Variants in ATAD2B observed in about 807,000 individuals in gnomAD.
ATAD2B encodes ATPase family AAA domain-containing protein 2B.
A neutral mutation model predicts 167.6 loss-of-function variants in ATAD2B; 40 were observed. The ratio of observed to expected loss-of-function variants is 0.24; its 90% CI spans 0.19 to 0.31. The LOEUF is 0.31. Ranked by LOEUF, ATAD2B falls within the 10% of genes least tolerant of loss-of-function variation. The pLI is 1.00. For synonymous variants in ATAD2B, 579 were observed against 596.5 expected (o/e 0.97, Z 0.43); for missense variants, 1,242 against 1,757.2 (o/e 0.71, Z 5.24).
chr2:23,917,177 A>G (rs1471815442), intron 1 of ATAD2B, among the ~76,000 whole-genome samples: 2 of 152,252 alleles, frequency 1.3e-5, no homozygotes, highest in Non-Finnish European at 2.9e-5. Context: ...TACTGAATGA[A>G]TGAATGAATG....
At chr2:23,770,921 G>C (rs1473345547) in intron 22 of ATAD2B, among the ~76,000 whole-genome samples, 1 of 152,152 alleles carries the variant, frequency 6.6e-6, no homozygotes, top group Non-Finnish European at 1.5e-5. Flanking sequence ...GTTCAATCTG[G>C]AGAGAAATTA....
At chr2:23,883,354 A>C (rs1011524560) in intron 6 of ATAD2B, among the ~76,000 whole-genome samples, 1 of 151,954 alleles carries the variant, frequency 6.6e-6, no homozygotes, top group African/African-American at 2.4e-5. Flanking sequence ...TATTTGAAAA[A>C]TTTTTATCGT....
At chr2:23,806,644 T>A (rs1684436279) in intron 18 of ATAD2B, among the ~76,000 whole-genome samples, 3 of 152,180 alleles carry the variant, frequency 2.0e-5, no homozygotes, top group Admixed American at 2.0e-4. Flanking sequence ...AATTTATACA[T>A]TAATTTAGGA....
intron 17 of ATAD2B, among the ~76,000 whole-genome samples, chr2:23,818,696 G>A (rs747730976): frequency 3.6e-4 from 55 of 152,214 alleles, no homozygotes; most frequent in Non-Finnish European, 5.0e-4. Context: ...CACACAATCC[G>A]GCCTCTTCTA....
intron 18 of ATAD2B, among the ~76,000 whole-genome samples, chr2:23,803,338 A>ACACG (rs756577548): frequency 2.7e-4 from 41 of 150,686 alleles, no homozygotes; most frequent in Middle Eastern, 3.4e-3. Flanking sequence ...ACACACACAC[A>ACACG]CGCGCACGCA....
At chr2:23,873,932 A>G (rs779959342) in intron 8 of ATAD2B, among the ~76,000 whole-genome samples, 1 of 152,234 alleles carries the variant, frequency 6.6e-6, no homozygotes, top group Non-Finnish European at 1.5e-5. Flanking sequence ...CATGCCTGGA[A>G]TCCCAGCACT....
At chr2:23,892,840 A>G (rs1303807554) in intron 2 of ATAD2B, among the ~76,000 whole-genome samples, 3 of 152,196 alleles carry the variant, frequency 2.0e-5, no homozygotes, top group Non-Finnish European at 2.9e-5. Flanking sequence ...TTCTAGATAT[A>G]TATCAGGTTA....
intron 18 of ATAD2B, among the ~76,000 whole-genome samples, chr2:23,808,091 A>AATTATATATATAAGTAATTATATAT (rs1684873979): frequency 7.4e-6 from 1 of 134,934 alleles, no homozygotes; most frequent in African/African-American, 2.8e-5. Flanking sequence ...TTATATATAT[A>AATTATATATATAAGTAATTATATAT]ATTATATATA....
chr2:23,693,896 A>G, the ATAD2B span, among the ~76,000 whole-genome samples: 2 of 152,332 alleles, frequency 1.3e-5, no homozygotes, highest in South Asian at 4.1e-4. Context: ...AAACCCCTGC[A>G]TGCAGGAAGA....
chr2:23,782,354 G>A (rs2149388839), intron 22 of ATAD2B, among the ~76,000 whole-genome samples: 1 of 152,222 alleles, frequency 6.6e-6, no homozygotes, highest in South Asian at 2.1e-4. Flanking sequence ...ATATATTCCT[G>A]GCAGTCTTCC....
intron 24 of ATAD2B, among the ~76,000 whole-genome samples, chr2:23,758,977 T>C (rs1428143781): frequency 6.6e-6 from 1 of 152,190 alleles, no homozygotes; most frequent in Non-Finnish European, 1.5e-5. Flanking sequence ...TTCTCACATA[T>C]GTATCAAATT....
intron 13 of ATAD2B, among the ~76,000 whole-genome samples, chr2:23,844,237 G>A (rs1691381934): frequency 6.6e-6 from 1 of 152,036 alleles, no homozygotes; most frequent in Non-Finnish European, 1.5e-5. Flanking sequence ...ACTGCGCCCA[G>A]CCGACAAATC....
intron 1 of ATAD2B, among the ~76,000 whole-genome samples, chr2:23,898,798 T>G (rs1483568878): frequency 6.6e-6 from 1 of 151,830 alleles, no homozygotes; most frequent in Non-Finnish European, 1.5e-5. Flanking sequence ...AGGCCAGGAG[T>G]GCCAGACTAG....
At chr2:23,684,662 TCTC>T in the ATAD2B span, 463,193 of 553,674 alleles carry the variant, frequency 0.84, 199,130 homozygotes, top group East Asian at 0.97. The surrounding 1 kb of genome is among the most constrained non-coding windows in gnomAD (Gnocchi z 4.4). Flanking sequence ...AGTAGCCATC[TCTC>T]CTCCTCCTCC....
At chr2:23,830,264 G>A (rs533293990) in intron 14 of ATAD2B, among the ~76,000 whole-genome samples, 7 of 152,182 alleles carry the variant, frequency 4.6e-5, no homozygotes, top group East Asian at 3.9e-4. Context: ...GATTACAGGC[G>A]TGAGCTACCA....
chr2:23,798,111 A>C, intron 19 of ATAD2B, 27 bp downstream of exon 19: 3 of 1,337,948 alleles, frequency 2.2e-6, no homozygotes, highest in Non-Finnish European at 3.0e-6. Flanking sequence ...TATAATAAGG[A>C]AAGATAAATA....
At chr2:23,812,502 G>T (rs1361208406) in intron 17 of ATAD2B, among the ~76,000 whole-genome samples, 1 of 152,028 alleles carries the variant, frequency 6.6e-6, no homozygotes, top group Non-Finnish European at 1.5e-5. Flanking sequence ...GGGAGGAGGG[G>T]AGTTTCAACT....
intron 15 of ATAD2B, among the ~76,000 whole-genome samples, chr2:23,824,037 C>T (rs576680361): frequency 3.3e-5 from 5 of 152,284 alleles, no homozygotes; most frequent in African/African-American, 1.2e-4. Context: ...CAACCTCTAC[C>T]TCCCAGCCTC....
chr2:23,791,705 G>T (rs554821398), intron 19 of ATAD2B, among the ~76,000 whole-genome samples: 2 of 152,142 alleles, frequency 1.3e-5, no homozygotes, highest in Non-Finnish European at 1.5e-5. Context: ...GTTACAACAT[G>T]CATCAAAATT....
Sources: allele counts gnomAD v4.1 joint callset (sites outside exome capture counted in the v4.1 genomes callset), GRCh38; gene constraint gnomAD v4.1.1; non-coding constraint Gnocchi (gnomAD v3.1); transcripts MANE v1.5; gene names NCBI Gene and HGNC (gene_info 2026-07-23, HGNC 2026-07-21).